Variants in RGS8 observed in about 807,000 individuals in gnomAD.
The protein encoded by RGS8 is regulator of G protein signaling 8, also known as regulator of G-protein signaling 8.
Under a neutral mutation model 21.7 loss-of-function variants are expected in RGS8, and 8 were observed. The observed-to-expected ratio is 0.37, with a 90% CI of 0.22 to 0.66. The LOEUF (loss-of-function observed/expected upper bound fraction) is 0.66, where lower values mean the gene tolerates loss of function less well. Ranked by LOEUF, RGS8 falls within the 30% of genes least tolerant of loss-of-function variation. RGS8 has a pLI of 0.59. For missense variants in RGS8, 157 were observed against 217.9 expected (o/e 0.72, Z 1.76); for synonymous variants, 80 against 83.6 (o/e 0.96, Z 0.24).
the RGS8 span, among the ~76,000 whole-genome samples, chr1:182,722,363 CAAAAAAAA>C: frequency 1.3e-4 from 10 of 79,424 alleles, no homozygotes; most frequent in South Asian, 1.0e-3. Context: ...AGCAAATTAC[CAAAAAAAA>C]AAAAAAAAAA....
Position 182,680,376 on chromosome 1 carries a change from G to A in RGS8, n.221+3980C>T, listed in dbSNP as rs572342660. On this transcript the variant is annotated intron_variant and non_coding_transcript_variant, in intron 1 of 4. Transcript: ENST00000515211. Reference sequence around the variant, plus strand: ...ACATATCACAGGGTTCCATGGCTTTGGGCCTCCTTTATTTCATTTCCTCTG... The same window carrying A: ...ACATATCACAGGGTTCCATGGCTTTAGGCCTCCTTTATTTCATTTCCTCTG... 7.2e-4 allele frequency among the ~76,000 whole-genome samples: 110 copies of A among 152,198 alleles called. No individual in the cohort carries two copies. In the Middle Eastern group the frequency reaches 0.01, roughly 14 times the overall value.
chr1:182,665,167 T>C (rs1056618412), intron 5 of RGS8, among the ~76,000 whole-genome samples: 2 of 152,224 alleles, frequency 1.3e-5, no homozygotes, highest in African/African-American at 4.8e-5. Context: ...AAATGTCTAT[T>C]TGAAGCCTTC....
At chr1:182,720,961 ATG>A in the RGS8 span, among the ~76,000 whole-genome samples, 1 of 59,338 alleles carries the variant, frequency 1.7e-5, no homozygotes, top group Non-Finnish European at 3.5e-5. Flanking sequence ...ATACATACAT[ATG>A]TGTGTATATA....
At chr1:182,670,682 G>A (rs567733076) in intron 2 of RGS8, among the ~76,000 whole-genome samples, 1 of 151,904 alleles carries the variant, frequency 6.6e-6, no homozygotes, top group Non-Finnish European at 1.5e-5. Flanking sequence ...TTATATTACC[G>A]CGACTATTTC....
At chr1:182,742,031 G>A in the RGS8 span, among the ~76,000 whole-genome samples, 3 of 148,318 alleles carry the variant, frequency 2.0e-5, no homozygotes, top group African/African-American at 5.0e-5. Context: ...CAGACGGGGC[G>A]TCCGGGCAGA....
At chr1:182,695,707 T>C in the RGS8 span, among the ~76,000 whole-genome samples, 1 of 152,164 alleles carries the variant, frequency 6.6e-6, no homozygotes, top group East Asian at 1.9e-4. Context: ...ACAGAAGTGG[T>C]TGATAGACAA....
the RGS8 span, among the ~76,000 whole-genome samples, chr1:182,693,601 C>T: frequency 5.3e-5 from 8 of 152,164 alleles, no homozygotes; most frequent in East Asian, 1.5e-3. Context: ...ACCATTTGAC[C>T]CAGCATTTTC....
chr1:182,682,396 A>G (rs1275226773), intron 1 of RGS8, among the ~76,000 whole-genome samples: 1 of 152,132 alleles, frequency 6.6e-6, no homozygotes, highest in African/African-American at 2.4e-5. Context: ...TAGAGAGTAA[A>G]TGGGGATGAT....
chr1:182,739,419 G>A, the RGS8 span, among the ~76,000 whole-genome samples: 2 of 152,316 alleles, frequency 1.3e-5, no homozygotes, highest in Admixed American at 6.5e-5. Flanking sequence ...GAGTACTGAC[G>A]TGGGGGAACT....
the RGS8 span, chr1:182,734,497 C>G: frequency 3.3e-5 from 5 of 152,276 alleles, no homozygotes; most frequent in South Asian, 4.2e-4. Context: ...CCGAAAGAAT[C>G]AAGACGGTTG....
At chr1:182,750,685 TA>T in the RGS8 span, among the ~76,000 whole-genome samples, 2 of 152,218 alleles carry the variant, frequency 1.3e-5, no homozygotes, top group Non-Finnish European at 2.9e-5. Context: ...TCATGCAACA[TA>T]AATGCATTGA....
At chr1:182,706,320 T>C in the RGS8 span, among the ~76,000 whole-genome samples, 2 of 152,078 alleles carry the variant, frequency 1.3e-5, no homozygotes, top group African/African-American at 2.4e-5. Flanking sequence ...AGGACAACAA[T>C]CTGGCTCCCC....
At chr1:182,673,799 G>A (rs931504538), upstream of RGS8, among the ~76,000 whole-genome samples, 1 of 152,088 alleles carries the variant, frequency 6.6e-6, no homozygotes, top group Non-Finnish European at 1.5e-5. Context: ...TAAGAAACTT[G>A]TACACAGATA....
At chr1:182,679,598 T>C (rs1170909678) in intron 1 of RGS8, among the ~76,000 whole-genome samples, 2 of 152,224 alleles carry the variant, frequency 1.3e-5, no homozygotes, top group East Asian at 3.9e-4. Flanking sequence ...TTGGGTATAT[T>C]GACCATTTCT....
chr1:182,643,468 G>C (rs1662567684), downstream of RGS8: 2 of 152,052 alleles, frequency 1.3e-5, no homozygotes, highest in Admixed American at 1.3e-4. Flanking sequence ...GCTGTTCTGG[G>C]GTGGGACCTG....
chr1:182,700,828 C>T, the RGS8 span, among the ~76,000 whole-genome samples: 3 of 152,110 alleles, frequency 2.0e-5, no homozygotes, highest in Admixed American at 6.5e-5. Flanking sequence ...CATGATAGTC[C>T]AGTGGACTAC....
At chr1:182,733,430 A>C in the RGS8 span, among the ~76,000 whole-genome samples, 16 of 152,364 alleles carry the variant, frequency 1.1e-4, no homozygotes, top group African/African-American at 3.4e-4. Context: ...GACAAGGAGC[A>C]TCGGGTATCA....
chr1:182,649,403 G>C (rs574205416), intron 5 of RGS8, among the ~76,000 whole-genome samples: 1 of 152,176 alleles, frequency 6.6e-6, no homozygotes, highest in South Asian at 2.1e-4. Context: ...CTGTTACCTG[G>C]ACGGGGTTGC....
the RGS8 span, among the ~76,000 whole-genome samples, chr1:182,697,049 G>A: frequency 3.9e-5 from 6 of 152,188 alleles, no homozygotes; most frequent in Non-Finnish European, 2.9e-5. Flanking sequence ...GAAGTGCAAA[G>A]ACATTTTCAA....
Sources: allele counts gnomAD v4.1 joint callset (sites outside exome capture counted in the v4.1 genomes callset), GRCh38; gene constraint gnomAD v4.1.1; transcripts MANE v1.5; gene names NCBI Gene and HGNC (gene_info 2026-07-23, HGNC 2026-07-21).